The following MYO5B variants were observed in gnomAD, a reference collection of about 807,000 sequenced individuals.
The protein encoded by MYO5B is unconventional myosin-Vb.
MYO5B carries 143 observed loss-of-function variants against 229.3 expected under a neutral mutation model. That is an observed-to-expected ratio of 0.62 (90% confidence interval 0.54 to 0.72). The LOEUF (loss-of-function observed/expected upper bound fraction) is 0.72, where lower values mean the gene tolerates loss of function less well. MYO5B is among the 30% of genes least tolerant of loss of function. MYO5B has a pLI of 0.00. For synonymous variants in MYO5B, 918 were observed against 885.2 expected (o/e 1.04, Z -0.66); for missense variants, 2,321 against 2,331.0 (o/e 1.00, Z 0.09).
intron 1 of MYO5B, among the ~76,000 whole-genome samples, chr18:50,068,099 A>T (rs1049219126): frequency 1.3e-5 from 2 of 152,066 alleles, no homozygotes; most frequent in Non-Finnish European, 2.9e-5. Flanking sequence ...AATCCAAAGG[A>T]GCTCAGAATC....
At chr18:49,907,089 G>A (rs2024908146) in intron 18 of MYO5B, among the ~76,000 whole-genome samples, 2 of 152,168 alleles carry the variant, frequency 1.3e-5, no homozygotes, top group Admixed American at 6.5e-5. Context: ...GAGAAGGGCA[G>A]AGTGGATGCC....
At chr18:50,018,140 A>G (rs1278391943) in intron 4 of MYO5B, among the ~76,000 whole-genome samples, 2 of 152,136 alleles carry the variant, frequency 1.3e-5, no homozygotes, top group Non-Finnish European at 2.9e-5. Flanking sequence ...ATGGCTATTC[A>G]CAGTTGTGGT....
intron 8 of MYO5B, among the ~76,000 whole-genome samples, chr18:49,983,074 A>T (rs904411780): frequency 8.5e-5 from 13 of 152,174 alleles, no homozygotes; most frequent in Non-Finnish European, 1.9e-4. Context: ...TCTGGAGACT[A>T]GGATAGGCAT....
In MYO5B at chr18:49,906,424, G is replaced by A. The variant is rs1400705288; in HGVS notation, c.2409C>T (p.Ala803=). The part of the protein sequence containing the change: ...TLQRYCRGHL[A]RRLAEHLRRI... ...GCTGCCACAGTCTGGCTCACCTGCG[G>A]GCCAGGTGTCCCCGGCAGTACCTCT... Residue 803 remains alanine, a synonymous_variant, in exon 19 of 40, where the codon GCC becomes GCT. Transcript: ENST00000285039. The A allele has an allele frequency of 6.2e-7, 1 of 1,613,810 alleles. No homozygotes were observed. The highest frequency in any genetic ancestry group is 1.3e-5 in the African/African-American group (1 of 74,898).
At chr18:50,034,039 C>T (rs1353881376) in intron 4 of MYO5B, among the ~76,000 whole-genome samples, 1 of 152,028 alleles carries the variant, frequency 6.6e-6, no homozygotes, top group Non-Finnish European at 1.5e-5. Context: ...ATCCAGTCCC[C>T]AGTGAATCAA....
intron 10 of MYO5B, among the ~76,000 whole-genome samples, chr18:49,963,419 T>TTG (rs373905808): frequency 7.5e-6 from 1 of 133,146 alleles, no homozygotes; most frequent in Non-Finnish European, 1.6e-5. Flanking sequence ...TTAATTAATT[T>TTG]ATTTATTTAT....
At chr18:49,911,930 T>C (rs1207119913) in intron 18 of MYO5B, 132 bp downstream of exon 18, 4 of 782,918 alleles carry the variant, frequency 5.1e-6, no homozygotes, top group Non-Finnish European at 9.0e-6. Flanking sequence ...TGTAGGAAAA[T>C]GGATTAATAT....
intron 7 of MYO5B, among the ~76,000 whole-genome samples, chr18:49,987,518 A>C (rs1003847828): frequency 6.6e-6 from 1 of 152,064 alleles, no homozygotes; most frequent in Non-Finnish European, 1.5e-5. Context: ...TCCCAAGGAG[A>C]AATGTACCAC....
At chr18:49,994,634 T>C (rs2025967746) in intron 5 of MYO5B, among the ~76,000 whole-genome samples, 1 of 152,154 alleles carries the variant, frequency 6.6e-6, no homozygotes, top group South Asian at 2.1e-4. Context: ...TAACTCTCAG[T>C]CACCTAACTG....
At chr18:49,929,656 C>A in intron 16 of MYO5B, 58 bp from the exon 17 acceptor site, 1 of 1,437,948 alleles carries the variant, frequency 7.0e-7, no homozygotes, top group Non-Finnish European at 9.5e-7. Context: ...GCCACATTTG[C>A]AAAAAAGAAA....
At chr18:50,093,880 C>A (rs917871331) in intron 1 of MYO5B, among the ~76,000 whole-genome samples, 1 of 152,110 alleles carries the variant, frequency 6.6e-6, no homozygotes, top group South Asian at 2.1e-4. Context: ...AGGGGATGAA[C>A]CCTCTGGTTC....
intron 17 of MYO5B, among the ~76,000 whole-genome samples, chr18:49,924,361 T>C (rs1182846264): frequency 2.6e-5 from 4 of 152,168 alleles, no homozygotes; most frequent in Non-Finnish European, 2.9e-5. Context: ...CAAGTGAGTA[T>C]GATCATTCTT....
intron 1 of MYO5B, among the ~76,000 whole-genome samples, chr18:50,094,309 C>T (rs1330027170): frequency 6.6e-6 from 1 of 152,140 alleles, no homozygotes; most frequent in Non-Finnish European, 1.5e-5. Context: ...AAGCAAAAGG[C>T]TGTACTAGAC....
At chr18:49,963,122 C>A (rs370122741) in intron 10 of MYO5B, 92 bp from the exon 11 acceptor site, 17 of 958,480 alleles carry the variant, frequency 1.8e-5, no homozygotes, top group African/African-American at 1.6e-4. Context: ...AGGTCTCCCC[C>A]GATGCCACTA....
At chr18:50,073,200 G>A (rs1019374445) in intron 1 of MYO5B, among the ~76,000 whole-genome samples, 19 of 152,154 alleles carry the variant, frequency 1.2e-4, no homozygotes, top group Non-Finnish European at 2.6e-4. Flanking sequence ...CTGAAGCTGG[G>A]ACCTTGTCAA....
intron 18 of MYO5B, among the ~76,000 whole-genome samples, 173 bp from the exon 19 acceptor site, chr18:49,906,803 C>T (rs899323062): frequency 2.6e-5 from 4 of 152,158 alleles, no homozygotes; most frequent in Admixed American, 6.5e-5. Context: ...GACCCTACTA[C>T]GGGCCAGACT....
At chr18:49,962,598 C>T (rs1397602871) in intron 11 of MYO5B, among the ~76,000 whole-genome samples, 192 bp from the exon 12 acceptor site, 2 of 152,190 alleles carry the variant, frequency 1.3e-5, no homozygotes, top group Non-Finnish European at 2.9e-5. Context: ...TGGGTGAACA[C>T]TTCCTGGGGG....
At chr18:50,007,506 C>A (rs900309194) in intron 4 of MYO5B, among the ~76,000 whole-genome samples, 1 of 152,180 alleles carries the variant, frequency 6.6e-6, no homozygotes, top group Non-Finnish European at 1.5e-5. Context: ...TTGCTTTAAG[C>A]CTTCCAATGG....
At chr18:50,039,815 G>C (rs535066567) in intron 3 of MYO5B, among the ~76,000 whole-genome samples, 104 of 152,150 alleles carry the variant, frequency 6.8e-4, no homozygotes, top group African/African-American at 2.4e-3. Flanking sequence ...CAAAACAAGG[G>C]TTCGGTGCTG....
Sources: gnomAD v4.1 joint callset for allele counts (sites outside exome capture counted in the v4.1 genomes callset) on GRCh38, gnomAD v4.1.1 for gene constraint, MANE v1.5 for transcripts, NCBI Gene and HGNC (gene_info 2026-07-23, HGNC 2026-07-21) for gene names.